Variants in UTRN observed in about 807,000 individuals in gnomAD.
UTRN encodes dystrophin-related protein 1.
A neutral mutation model predicts 463.9 loss-of-function variants in UTRN; 283 were observed. The observed-to-expected ratio is 0.61, with a 90% CI of 0.55 to 0.67. The LOEUF (loss-of-function observed/expected upper bound fraction) is 0.67. UTRN is among the 30% of genes least tolerant of loss of function. The probability of loss-of-function intolerance (pLI) is 0.00; values close to 1 mark genes in which losing one functional copy is unlikely to be tolerated. For missense variants in UTRN, 3,922 were observed against 4,084.3 expected, an observed-to-expected ratio of 0.96 and a Z score of 1.08; for synonymous variants, 1,442 against 1,431.5, an observed-to-expected ratio of 1.01 and a Z score of -0.17.
intron 51 of UTRN, among the ~76,000 whole-genome samples, chr6:144,622,683 AC>A: frequency 6.6e-6 from 1 of 152,318 alleles, no homozygotes; most frequent in South Asian, 2.1e-4. Flanking sequence ...ATGTTGTTTT[AC>A]CTTATCCAAG....
At position 144,827,374 on chromosome 6, in the gene UTRN, C is replaced by T. The variant is rs1223939947; in HGVS notation, c.9521C>T (p.Pro3174Leu). The T allele has an allele frequency of 1.2e-6, 2 of 1,613,316 alleles. No individual in the cohort carries two copies. Among genetic ancestry groups the T allele is most frequent in the Non-Finnish European group, 1.7e-6 (2 of 1,179,630 alleles). Residue 3174 changes from proline to leucine, a missense_variant, in exon 67 of 75, where the codon CCA becomes CTA. Pro to Leu is a moderately conservative substitution (Grantham distance 98). Around this residue, in one of 3 missense-constraint regions of UTRN, gnomAD observed 1,309 missense variants for 1,452.6 expected, o/e 0.90. Coordinates refer to ENST00000367545, the MANE Select transcript of UTRN (RefSeq NM_007124.3). ...CCTATCACACTCATCAGTATGTGGC[C>T]AGAGCACTATGAGTGAGTATTCATA... ...ETPITLISMW[P>L]EHYDPSQSPQ...
Position 144,461,299 on chromosome 6 carries a change from T to G in UTRN, c.2810T>G (p.Leu937Arg). ...AAGGCCCAGGTGTCTCTGAATGTCC[T>G]TAATGATCTTGCCAAGGTGGAGAAG... ...ENKAQVSLNVLNDLAKVEKAL... is the reference protein window; with the variant it reads ...ENKAQVSLNVRNDLAKVEKAL... Residue 937 changes from leucine to arginine, a missense_variant, in exon 22 of 75, where the codon CTT becomes CGT. Leu to Arg is a moderately radical substitution (Grantham distance 102, BLOSUM62 -2). This residue lies in a region of UTRN where 2,349 missense variants were observed against 2,303.8 expected (regional missense o/e 1.02). Coordinates refer to ENST00000367545, the MANE Select transcript of UTRN (RefSeq NM_007124.3). The G allele has an allele frequency of 1.9e-6, 3 of 1,596,614 alleles. No homozygotes were observed. The highest frequency in any genetic ancestry group is 2.6e-6 in the Non-Finnish European group (3 of 1,170,040).
Position 144,794,009 on chromosome 6 carries a change from CT to C in UTRN, c.9078+19del, listed in dbSNP as rs66676808. 4,681 of 1,612,890 alleles carry C rather than the reference CT, an allele frequency of 2.9e-3. 108 individuals are homozygous for C. The African/African-American group carries it at 0.054, about 19-fold the overall frequency. On this transcript the variant is annotated intron_variant, in intron 63 of 74. Transcript: ENST00000367545. ...TCCAACAGGTAAGCATGAAGGATCA[CT>C]GGTGTGTAGGATGTGTTGGCGAAGG...
At position 144,514,773 on chromosome 6, in the gene UTRN, C is replaced by G; in HGVS notation, c.5197C>G (p.Leu1733Val). ...RELVEPKLAE[L>V]NRNFEKVSQH... ...GCTTGTAGAACCAAAGTTAGCTGAG[C>G]TGAATAGGAACTTTGAAAAGGTGTC... Residue 1733 changes from leucine (L) to valine (V), a missense_variant, in exon 37 of 75, where the codon CTG (leucine) becomes GTG (valine). Transcript: ENST00000367545. 1.2e-6 allele frequency: 2 copies of G among 1,614,124 alleles called. No homozygotes were observed. Among genetic ancestry groups the G allele is most frequent in the South Asian group, 2.2e-5 (2 of 91,078 alleles).
At chr6:144,358,001 G>A (rs1778722831) in intron 2 of UTRN, among the ~76,000 whole-genome samples, 1 of 152,204 alleles carries the variant, frequency 6.6e-6, no homozygotes, top group African/African-American at 2.4e-5. Flanking sequence ...TTGAGCTTTG[G>A]AGCCAGACTG....
chr6:144,788,838 C>T (rs1214042961), intron 61 of UTRN, among the ~76,000 whole-genome samples: 1 of 152,194 alleles, frequency 6.6e-6, no homozygotes, highest in Non-Finnish European at 1.5e-5. Context: ...GCTGGGATTA[C>T]AGGCATGAGC....
chr6:144,527,692 T>TC (rs534803923), intron 41 of UTRN, among the ~76,000 whole-genome samples: 48 of 152,212 alleles, frequency 3.2e-4, no homozygotes, highest in Non-Finnish European at 5.0e-4. Context: ...TTTTTAAAAT[T>TC]CTTTTTTCTT....
intron 11 of UTRN, among the ~76,000 whole-genome samples, chr6:144,438,057 G>A (rs1786759596): frequency 6.6e-6 from 1 of 152,222 alleles, no homozygotes; most frequent in Non-Finnish European, 1.5e-5. Context: ...CTTGAGGCCA[G>A]GAGTTTGAGA....
In UTRN at chr6:144,513,991, A is replaced by G. The variant is rs779221662; in HGVS notation, c.5027A>G (p.Asp1676Gly). The G allele has an allele frequency of 1.2e-6, 2 of 1,614,026 alleles. No homozygotes were observed. Among genetic ancestry groups the G allele is most frequent in the Admixed American group, 1.7e-5 (1 of 60,016 alleles). Residue 1676 changes from aspartate to glycine, a missense_variant, in exon 36 of 75, where the codon GAT becomes GGT. By Grantham distance (94) the Asp-to-Gly change is moderately conservative. Coordinates refer to ENST00000367545, the MANE Select transcript of UTRN (RefSeq NM_007124.3). ...TWLYQAEALL[D>G]EIEKKPTSKQ... The stretch of plus-strand genomic sequence containing the variant: ...CTTTATCAAGCTGAAGCTCTATTGG[A>G]TGAAATTGAAAAGAAACCAACAAGT...
chr6:144,666,583 C>T (rs1171953347), intron 51 of UTRN, among the ~76,000 whole-genome samples: 1 of 152,186 alleles, frequency 6.6e-6, no homozygotes. Context: ...AGATGATTTT[C>T]TGTTTTGAGG....
In UTRN at chr6:144,485,540, C is replaced by T. The variant is rs149667971; in HGVS notation, c.3822+21C>T. Reference sequence around the variant, plus strand: ...TGGAGGTTGGAACCCGTGATCTCCACGGCATTTCTCTTTGCTGTGATGAGG... The same window carrying T: ...TGGAGGTTGGAACCCGTGATCTCCATGGCATTTCTCTTTGCTGTGATGAGG... On this transcript the variant is annotated intron_variant, in intron 28 of 74. Coordinates refer to ENST00000367545, the MANE Select transcript of UTRN (RefSeq NM_007124.3). The T allele has an allele frequency of 7.1e-4, 1,150 of 1,613,882 alleles. 13 individuals carry two copies. In the East Asian group the frequency reaches 0.019, roughly 27 times the overall value.
chr6:144,347,359 C>T (rs535836844), intron 2 of UTRN, among the ~76,000 whole-genome samples: 17 of 152,222 alleles, frequency 1.1e-4, no homozygotes, highest in South Asian at 4.1e-4. Flanking sequence ...GGAATGTATT[C>T]GTCCCCCACT....
intron 2 of UTRN, among the ~76,000 whole-genome samples, chr6:144,371,272 A>G (rs916888259): frequency 3.3e-5 from 5 of 152,182 alleles, no homozygotes; most frequent in African/African-American, 1.2e-4. Context: ...CCTTAGCTAA[A>G]TATACTGAAT....
chr6:144,476,037 C>G (rs556469843), intron 25 of UTRN, among the ~76,000 whole-genome samples: 2 of 151,404 alleles, frequency 1.3e-5, no homozygotes, highest in African/African-American at 4.8e-5. Context: ...GACTGCACCA[C>G]TGCACTCCAG....
At chr6:144,390,877 T>G (rs1486314207) in intron 2 of UTRN, among the ~76,000 whole-genome samples, 1 of 152,210 alleles carries the variant, frequency 6.6e-6, no homozygotes, top group Non-Finnish European at 1.5e-5. Flanking sequence ...GACCACAGCT[T>G]CCTTGAAAGC....
intron 50 of UTRN, among the ~76,000 whole-genome samples, chr6:144,559,725 T>A (rs1373970019): frequency 6.6e-6 from 1 of 151,966 alleles, no homozygotes; most frequent in Non-Finnish European, 1.5e-5. Context: ...GAAATTTTAA[T>A]ACCATGATAT....
chr6:144,466,772 T>C (rs1790003027), intron 23 of UTRN, among the ~76,000 whole-genome samples: 2 of 152,206 alleles, frequency 1.3e-5, no homozygotes, highest in South Asian at 2.1e-4. Flanking sequence ...CGTACTTCCT[T>C]TTCCTTATTC....
intron 54 of UTRN, among the ~76,000 whole-genome samples, chr6:144,732,239 C>CATATATATATATATATATATATAT (rs71810800): frequency 8.6e-6 from 1 of 116,060 alleles, no homozygotes; most frequent in Non-Finnish European, 1.7e-5. Flanking sequence ...TATATATATA[C>CATATATATATATATATATATATAT]ATATATATAT....
chr6:144,701,015 T>C (rs1376751283), intron 53 of UTRN, among the ~76,000 whole-genome samples: 1 of 152,156 alleles, frequency 6.6e-6, no homozygotes, highest in South Asian at 2.1e-4. Flanking sequence ...CAAGAGATTC[T>C]CCTGCCTCAG....
Sources: allele counts gnomAD v4.1 joint callset (sites outside exome capture counted in the v4.1 genomes callset), GRCh38; gene constraint gnomAD v4.1.1; regional missense constraint gnomAD v4.1.1; transcripts MANE v1.5; gene names NCBI Gene and HGNC (gene_info 2026-07-23, HGNC 2026-07-21).